The following IPO8 variants were observed in gnomAD, a reference collection of about 807,000 sequenced individuals.
IPO8 encodes the protein importin-8.
A neutral mutation model predicts 141.2 loss-of-function variants in IPO8; 65 were observed. That is an observed-to-expected ratio of 0.46 (90% CI 0.38 to 0.57). The LOEUF is 0.57. Ranked by LOEUF, IPO8 falls within the 20% of genes least tolerant of loss-of-function variation. The probability of loss-of-function intolerance (pLI) is 0.00; values close to 1 mark genes in which losing one functional copy is unlikely to be tolerated. For synonymous variants in IPO8, 411 were observed against 420.3 expected, an observed-to-expected ratio of 0.98 and a Z score of 0.27; for missense variants, 980 against 1,246.8, an observed-to-expected ratio of 0.79 and a Z score of 3.22.
intron 5 of IPO8, chr12:30,677,167 T>G: frequency 4.6e-6 from 5 of 1,085,568 alleles, no homozygotes; most frequent in Non-Finnish European, 6.5e-6. Context: ...GCTTACACTC[T>G]AACTGGAAAA....
chr12:30,656,458 C>T (rs558309628), intron 17 of IPO8, among the ~76,000 whole-genome samples: 3 of 152,220 alleles, frequency 2.0e-5, no homozygotes, highest in Admixed American at 2.0e-4. Flanking sequence ...AATTACTGTC[C>T]TTTAAAATTC....
At chr12:30,656,523 C>T (rs541424123) in intron 17 of IPO8, among the ~76,000 whole-genome samples, 161 bp downstream of exon 17, 47 of 152,208 alleles carry the variant, frequency 3.1e-4, no homozygotes, top group Non-Finnish European at 2.1e-4. Flanking sequence ...AATGAAAATA[C>T]AGATATTTAA....
chr12:30,674,394 G>A (rs757790624), intron 7 of IPO8, among the ~76,000 whole-genome samples: 9 of 151,962 alleles, frequency 5.9e-5, no homozygotes, highest in African/African-American at 1.9e-4. Flanking sequence ...ACATTATTAC[G>A]GAGTTGAGTG....
intron 18 of IPO8, 142 bp from the exon 19 acceptor site, chr12:30,652,431 T>C: frequency 1.6e-6 from 1 of 640,732 alleles, no homozygotes; most frequent in South Asian, 1.7e-5. Context: ...AAGTAATAAG[T>C]CTGATGTGTA....
intron 2 of IPO8, among the ~76,000 whole-genome samples, chr12:30,689,051 T>C (rs762211455): frequency 6.6e-6 from 1 of 152,082 alleles, no homozygotes; most frequent in Non-Finnish European, 1.5e-5. Context: ...GAAGTATCTA[T>C]ATGCACTGAC....
intron 3 of IPO8, 57 bp downstream of exon 3, chr12:30,684,244 C>G (rs1384002339): frequency 6.6e-7 from 1 of 1,513,950 alleles, no homozygotes; most frequent in Admixed American, 1.7e-5. Context: ...CAGCACCCAC[C>G]CTCAGATCTA....
chr12:30,672,425 G>A (rs1202128371), intron 8 of IPO8, among the ~76,000 whole-genome samples: 1 of 152,084 alleles, frequency 6.6e-6, no homozygotes, highest in Non-Finnish European at 1.5e-5. Flanking sequence ...AGGGGTGATG[G>A]GAGATGGGAA....
intron 2 of IPO8, among the ~76,000 whole-genome samples, chr12:30,687,872 A>C (rs2053257654): frequency 6.6e-6 from 1 of 152,158 alleles, no homozygotes; most frequent in Admixed American, 6.5e-5. Flanking sequence ...GGAAATACAA[A>C]CAAAAAGAAA....
chr12:30,664,054 T>C (rs182718488), intron 13 of IPO8, among the ~76,000 whole-genome samples: 50 of 152,314 alleles, frequency 3.3e-4, no homozygotes, highest in Admixed American at 2.7e-3. Flanking sequence ...TTTAGTAAGC[T>C]TCCTTTTTTT....
At chr12:30,691,746 T>C (rs1460490904) in intron 1 of IPO8, among the ~76,000 whole-genome samples, 1 of 152,240 alleles carries the variant, frequency 6.6e-6, no homozygotes, top group Non-Finnish European at 1.5e-5. Flanking sequence ...TATTCATTTT[T>C]TTAAATTAAA....
At chr12:30,659,025 C>T (rs575883757) in intron 16 of IPO8, among the ~76,000 whole-genome samples, 71 of 151,860 alleles carry the variant, frequency 4.7e-4, no homozygotes, top group Non-Finnish European at 6.9e-4. Context: ...GGACTACAGG[C>T]GCCCGCCACC....
intron 16 of IPO8, 52 bp downstream of exon 16, chr12:30,661,089 T>A: frequency 1.5e-6 from 2 of 1,335,592 alleles, no homozygotes; most frequent in Non-Finnish European, 2.0e-6. Context: ...ACTGATCACA[T>A]AAATTTCAGT....
At position 30,649,242 on chromosome 12, in the gene IPO8, T is replaced by C. The variant is rs1288742923; in HGVS notation, c.2173-10A>G. 3.7e-6 allele frequency: 6 copies of C among 1,602,426 alleles called. No individual in the cohort carries two copies. Among genetic ancestry groups the C allele is most frequent in the Non-Finnish European group, 5.1e-6 (6 of 1,170,482 alleles). ...CATCTCCACATAGTACCTGCAGTAA[T>C]TACAATTTAGCTCAGCAGTAAGTGG... On this transcript the variant is annotated splice_polypyrimidine_tract_variant and intron_variant, in intron 19 of 24. Transcript: ENST00000256079.
chr12:30,634,003 G>A (rs947588063), intron 23 of IPO8, 80 bp downstream of exon 23: 2 of 1,329,268 alleles, frequency 1.5e-6, no homozygotes, highest in Non-Finnish European at 2.1e-6. Context: ...ACCAATCTTG[G>A]GCAAATATCA....
chr12:30,673,977 A>T lies in IPO8; in HGVS notation c.909+13T>A, dbSNP rs751925260. 2.7e-6 allele frequency: 4 copies of T among 1,508,778 alleles called. No individual in the cohort carries two copies. The East Asian group carries it at 9.2e-5, about 35-fold the overall frequency. The allele number at this position is 1,508,778 out of a possible 1,614,324, so 93.5% of individuals were successfully genotyped here. ...GTAACCATTATTCTATTTTAAAAGC[A>T]TAAGTTTATTACCTGCTGAATGCCC... On this transcript the variant is annotated intron_variant, in intron 8 of 24. Coordinates refer to ENST00000256079, the MANE Select transcript of IPO8 (RefSeq NM_006390.4).
At chr12:30,682,976 C>G (rs2053204116) in intron 3 of IPO8, among the ~76,000 whole-genome samples, 1 of 151,914 alleles carries the variant, frequency 6.6e-6, no homozygotes, top group East Asian at 1.9e-4. Context: ...TCCTTTAGTG[C>G]CAGTAGTAGC....
In IPO8 at chr12:30,663,471, A is replaced by G. The variant is rs759422728; in HGVS notation, c.1594+18T>C. 1 of 1,592,202 alleles carries G rather than the reference A, an allele frequency of 6.3e-7. No individual in the cohort carries two copies. Among genetic ancestry groups the G allele is most frequent in the South Asian group, 1.1e-5 (1 of 87,560 alleles). On this transcript the variant is annotated intron_variant, in intron 14 of 24. Coordinates refer to ENST00000256079, the MANE Select transcript of IPO8 (RefSeq NM_006390.4). Reference sequence around the variant, plus strand: ...TGAAATTATTTGAGAAGATGTCTAAAAGGTATTTTGGCTTTACCTTGTATC... The same window carrying G: ...TGAAATTATTTGAGAAGATGTCTAAGAGGTATTTTGGCTTTACCTTGTATC...
intron 20 of IPO8, among the ~76,000 whole-genome samples, chr12:30,641,077 A>C (rs2052568162): frequency 6.6e-6 from 1 of 152,250 alleles, no homozygotes; most frequent in Non-Finnish European, 1.5e-5. Flanking sequence ...TTTTAGAACT[A>C]GTAAAACTAA....
chr12:30,691,601 T>C (rs1262347877), intron 1 of IPO8, among the ~76,000 whole-genome samples: 1 of 152,228 alleles, frequency 6.6e-6, no homozygotes, highest in Non-Finnish European at 1.5e-5. Context: ...TCCACTGACA[T>C]TCATTTGAAA....
Sources: gnomAD v4.1 joint callset for allele counts (sites outside exome capture counted in the v4.1 genomes callset) on GRCh38, gnomAD v4.1.1 for gene constraint, MANE v1.5 for transcripts, NCBI Gene and HGNC (gene_info 2026-07-23, HGNC 2026-07-21) for gene names.